ASAP1: variants seen among roughly 807,000 people sequenced by gnomAD.
The protein encoded by ASAP1 is arf-GAP with SH3 domain, ANK repeat and PH domain-containing protein 1.
In ASAP1, 43 loss-of-function variants were observed where a neutral mutation model predicts 145.2. The observed-to-expected ratio is 0.30, with a 90% CI of 0.23 to 0.38. The LOEUF (loss-of-function observed/expected upper bound fraction) is 0.38. ASAP1 is among the 10% of genes least tolerant of loss of function. The pLI, the probability that ASAP1 is intolerant of heterozygous loss-of-function variation, is 1.00. For synonymous variants in ASAP1, 546 were observed against 515.5 expected (o/e 1.06, Z -0.80); for missense variants, 1,018 against 1,355.3 (o/e 0.75, Z 3.91).
chr8:130,332,600 A>C (rs1258589364), intron 3 of ASAP1, among the ~76,000 whole-genome samples: 1 of 152,216 alleles, frequency 6.6e-6, no homozygotes, highest in Non-Finnish European at 1.5e-5. Context: ...AGAATGCAAA[A>C]CAACTTTTCG....
At chr8:130,163,576 G>A (rs1425403054) in intron 11 of ASAP1, among the ~76,000 whole-genome samples, 1 of 152,164 alleles carries the variant, frequency 6.6e-6, no homozygotes, top group Non-Finnish European at 1.5e-5. Context: ...AAGTCACACC[G>A]ATTATTACTT....
intron 3 of ASAP1, among the ~76,000 whole-genome samples, chr8:130,239,147 T>C (rs193080086): frequency 5.0e-4 from 76 of 152,274 alleles, no homozygotes; most frequent in African/African-American, 1.7e-3. Context: ...TCTCAAGTCA[T>C]CTCACATACC....
At chr8:130,054,861 C>G in intron 29 of ASAP1, 56 bp from the exon 30 acceptor site, 1 of 1,430,210 alleles carries the variant, frequency 7.0e-7, no homozygotes, top group Non-Finnish European at 9.9e-7. Context: ...GGCCCCACGA[C>G]AAACCCAGTG....
At chr8:130,211,056 G>A (rs1816549886) in intron 5 of ASAP1, among the ~76,000 whole-genome samples, 1 of 152,316 alleles carries the variant, frequency 6.6e-6, no homozygotes, top group Admixed American at 6.5e-5. Context: ...TGGTGAGGCG[G>A]AAACTAGGAT....
chr8:130,308,243 T>G (rs1452198007), intron 3 of ASAP1, among the ~76,000 whole-genome samples: 1 of 152,190 alleles, frequency 6.6e-6, no homozygotes, highest in East Asian at 1.9e-4. Flanking sequence ...GAGTGTTTTC[T>G]CCCACTGGAT....
rs539154825 is a variant in ASAP1 at position 130,376,018 on chromosome 8, G to A, written c.60-17875C>T. 7.9e-5 allele frequency among the ~76,000 whole-genome samples: 12 copies of A among 152,250 alleles called. No homozygotes were observed. In the East Asian group the frequency reaches 1.4e-3, roughly 17 times the overall value. ...CAGAGACATAAATACACATTGGCACGCCATACACAAATTAACAACAACAAC... is the reference window on the plus strand; with the variant it reads ...CAGAGACATAAATACACATTGGCACACCATACACAAATTAACAACAACAAC... On this transcript the variant is annotated intron_variant, in intron 2 of 29. Coordinates refer to ENST00000518721, the MANE Select transcript of ASAP1 (RefSeq NM_018482.4).
intron 3 of ASAP1, among the ~76,000 whole-genome samples, chr8:130,316,971 T>C (rs972214562): frequency 6.6e-6 from 1 of 152,188 alleles, no homozygotes; most frequent in African/African-American, 2.4e-5. Flanking sequence ...AAGGCCAATG[T>C]TTCTTAACCT....
chr8:130,385,187 C>T (rs956428221), intron 2 of ASAP1, among the ~76,000 whole-genome samples: 12 of 152,130 alleles, frequency 7.9e-5, no homozygotes, highest in Admixed American at 3.3e-4. Context: ...CAAGGCAGGC[C>T]GGGTGTGGTG....
At chr8:130,439,383 A>G (rs1310738844) in intron 1 of ASAP1, among the ~76,000 whole-genome samples, 1 of 152,190 alleles carries the variant, frequency 6.6e-6, no homozygotes, top group Non-Finnish European at 1.5e-5. Context: ...CTAAGTTTGG[A>G]GTAATTTGTT....
chr8:130,136,684 G>A (rs1005009016), intron 14 of ASAP1, among the ~76,000 whole-genome samples: 2 of 151,986 alleles, frequency 1.3e-5, no homozygotes, highest in Admixed American at 6.6e-5. Context: ...TGTACTCACA[G>A]TCAAGCATTG....
At chr8:130,283,450 C>A (rs182429214) in intron 3 of ASAP1, among the ~76,000 whole-genome samples, 4 of 151,888 alleles carry the variant, frequency 2.6e-5, no homozygotes, top group East Asian at 1.9e-4. Context: ...TGGTGGCATG[C>A]GCGCCTGTAG....
intron 10 of ASAP1, among the ~76,000 whole-genome samples, chr8:130,168,573 G>C (rs1228474636): frequency 6.6e-6 from 1 of 152,164 alleles, no homozygotes; most frequent in African/African-American, 2.4e-5. Flanking sequence ...CTGGGCGACA[G>C]AGTGAGACTC....
At chr8:130,213,202 T>C (rs1816691381) in intron 5 of ASAP1, among the ~76,000 whole-genome samples, 2 of 152,260 alleles carry the variant, frequency 1.3e-5, no homozygotes, top group African/African-American at 4.8e-5. Flanking sequence ...AGTTCAAAAT[T>C]ATCCTTTCCG....
intron 2 of ASAP1, among the ~76,000 whole-genome samples, chr8:130,395,267 C>T (rs1318644484): frequency 1.3e-5 from 2 of 152,202 alleles, no homozygotes; most frequent in African/African-American, 4.8e-5. Context: ...GTACTGTGGG[C>T]GCTTTCTAAT....
chr8:130,406,591 C>G (rs1829041814), intron 1 of ASAP1, among the ~76,000 whole-genome samples: 1 of 151,920 alleles, frequency 6.6e-6, no homozygotes, highest in African/African-American at 2.4e-5. Context: ...AAGCGATTCT[C>G]CTGCCTCAGC....
intron 4 of ASAP1, among the ~76,000 whole-genome samples, chr8:130,232,330 C>A (rs755500534): frequency 2.0e-5 from 3 of 152,124 alleles, no homozygotes; most frequent in Non-Finnish European, 4.4e-5. Flanking sequence ...TCATTTTAAT[C>A]ATATATTAGC....
At chr8:130,217,611 C>G (rs532534566) in intron 4 of ASAP1, among the ~76,000 whole-genome samples, 2 of 151,998 alleles carry the variant, frequency 1.3e-5, no homozygotes, top group Admixed American at 6.6e-5. Context: ...CTATGGTTCA[C>G]TTCTGCATCC....
chr8:130,336,786 G>A (rs780066618), intron 3 of ASAP1, among the ~76,000 whole-genome samples: 5 of 152,160 alleles, frequency 3.3e-5, no homozygotes, highest in Non-Finnish European at 7.3e-5. Flanking sequence ...CTAAAAGACG[G>A]TAAGCCAGAT....
chr8:130,376,958 T>A (rs1369561817), intron 2 of ASAP1, among the ~76,000 whole-genome samples: 1 of 137,414 alleles, frequency 7.3e-6, no homozygotes, highest in Non-Finnish European at 1.5e-5. Context: ...CACATCCAAG[T>A]TGAAATGGGG....
Sources: allele counts gnomAD v4.1 joint callset (sites outside exome capture counted in the v4.1 genomes callset), GRCh38; gene constraint gnomAD v4.1.1; transcripts MANE v1.5; gene names NCBI Gene and HGNC (gene_info 2026-07-23, HGNC 2026-07-21).